The following TCF7L1 variants were observed in gnomAD, a reference collection of about 807,000 sequenced individuals.
The protein encoded by TCF7L1 is transcription factor 7 like 1, also known as transcription factor 7-like 1.
Under a neutral mutation model 63.7 loss-of-function variants are expected in TCF7L1, and 18 were observed. That is an observed-to-expected ratio of 0.28 (90% CI 0.20 to 0.42). TCF7L1 has a LOEUF of 0.42. Among genes scored for constraint, TCF7L1 ranks in the 10% least tolerant of loss-of-function variants. TCF7L1 has a pLI of 1.00. For missense variants in TCF7L1, 654 were observed against 779.3 expected, an observed-to-expected ratio of 0.84 and a Z score of 1.91; for synonymous variants, 355 against 340.9, an observed-to-expected ratio of 1.04 and a Z score of -0.46.
At chr2:85,270,758 C>G (rs1681131661) in intron 3 of TCF7L1, among the ~76,000 whole-genome samples, 1 of 152,106 alleles carries the variant, frequency 6.6e-6, no homozygotes, top group Non-Finnish European at 1.5e-5. Context: ...GGCGCAATCA[C>G]AGCTCACTGC....
chr2:85,235,564 C>T (rs552026677), intron 3 of TCF7L1, among the ~76,000 whole-genome samples: 1 of 152,090 alleles, frequency 6.6e-6, no homozygotes, highest in African/African-American at 2.4e-5. Flanking sequence ...TACCATGGAG[C>T]TAATCCCTAC....
intron 3 of TCF7L1, among the ~76,000 whole-genome samples, chr2:85,199,826 A>G (rs1679234070): frequency 6.6e-6 from 1 of 152,206 alleles, no homozygotes; most frequent in Non-Finnish European, 1.5e-5. Context: ...TAAAGTATGC[A>G]GTTCAGTGGC....
At chr2:85,204,504 G>A (rs1679350944) in intron 3 of TCF7L1, among the ~76,000 whole-genome samples, 2 of 152,084 alleles carry the variant, frequency 1.3e-5, no homozygotes, top group South Asian at 4.1e-4. Context: ...AGCATAGATT[G>A]CTAGTAGTAG....
intron 3 of TCF7L1, among the ~76,000 whole-genome samples, chr2:85,203,745 A>G (rs1215820272): frequency 6.6e-6 from 1 of 151,914 alleles, no homozygotes; most frequent in East Asian, 1.9e-4. Context: ...AGAAAAAAGA[A>G]AAAAAAAGGA....
intron 4 of TCF7L1, among the ~76,000 whole-genome samples, chr2:85,285,205 C>A (rs1184766118): frequency 6.6e-6 from 1 of 151,968 alleles, no homozygotes. Context: ...TGCACTCCAG[C>A]CTGGGTGACA....
chr2:85,206,128 G>A (rs892978920), intron 3 of TCF7L1, among the ~76,000 whole-genome samples: 3 of 152,252 alleles, frequency 2.0e-5, no homozygotes, highest in South Asian at 2.1e-4. Flanking sequence ...GCAGGGGCTA[G>A]GGCCAGTGGC....
At chr2:85,172,048 G>C (rs1007621977) in intron 3 of TCF7L1, among the ~76,000 whole-genome samples, 1 of 152,054 alleles carries the variant, frequency 6.6e-6, no homozygotes, top group Non-Finnish European at 1.5e-5. Flanking sequence ...AATGAGATGT[G>C]CAGTGTCCTC....
At chr2:85,270,366 C>T (rs998323790) in intron 3 of TCF7L1, among the ~76,000 whole-genome samples, 2 of 152,212 alleles carry the variant, frequency 1.3e-5, no homozygotes, top group African/African-American at 2.4e-5. Context: ...GAAGCCTTCA[C>T]CTCTGTCTAG....
intron 3 of TCF7L1, among the ~76,000 whole-genome samples, chr2:85,137,495 C>T (rs1677621194): frequency 6.6e-6 from 1 of 152,216 alleles, no homozygotes. Flanking sequence ...ATAACTGCCA[C>T]AAACCATTTT....
chr2:85,166,072 A>G (rs889633567), intron 3 of TCF7L1, among the ~76,000 whole-genome samples: 5 of 152,184 alleles, frequency 3.3e-5, no homozygotes, highest in Admixed American at 1.3e-4. Context: ...AATGGCAGTG[A>G]GTTTGCATCA....
At chr2:85,307,501 T>G in intron 10 of TCF7L1, 141 bp from the exon 11 acceptor site, 1 of 652,892 alleles carries the variant, frequency 1.5e-6, no homozygotes, top group Non-Finnish European at 2.7e-6. Flanking sequence ...ACGGCTGTGA[T>G]CTGAATTATC....
intron 3 of TCF7L1, among the ~76,000 whole-genome samples, chr2:85,207,691 C>A (rs1679440893): frequency 6.6e-6 from 1 of 151,690 alleles, no homozygotes; most frequent in South Asian, 2.1e-4. Context: ...TTTGACTGAA[C>A]AATTTTTTGA....
At chr2:85,190,033 T>C (rs753230889) in intron 3 of TCF7L1, among the ~76,000 whole-genome samples, 1 of 152,228 alleles carries the variant, frequency 6.6e-6, no homozygotes, top group Non-Finnish European at 1.5e-5. Context: ...TCTTTGGTCC[T>C]GACCTTCAGC....
At chr2:85,304,189 C>T in intron 6 of TCF7L1, 66 bp from the exon 7 acceptor site, 3 of 1,502,612 alleles carry the variant, frequency 2.0e-6, no homozygotes, top group Non-Finnish European at 2.8e-6. Flanking sequence ...CCCTTCTTCC[C>T]AAGTGCCTCT....
chr2:85,145,752 TGCAC>T (rs1677866235), intron 3 of TCF7L1, among the ~76,000 whole-genome samples: 1 of 152,270 alleles, frequency 6.6e-6, no homozygotes, highest in South Asian at 2.1e-4. Context: ...AGGGTCCAGC[TGCAC>T]TCTACAGTGG....
At chr2:85,154,369 G>T (rs898995028) in intron 3 of TCF7L1, among the ~76,000 whole-genome samples, 2 of 152,200 alleles carry the variant, frequency 1.3e-5, no homozygotes, top group Non-Finnish European at 2.9e-5. Flanking sequence ...GTACTTCCCA[G>T]AGTAACATCC....
intron 3 of TCF7L1, among the ~76,000 whole-genome samples, chr2:85,160,057 TC>T (rs1678251224): frequency 2.0e-5 from 3 of 152,196 alleles, no homozygotes; most frequent in Non-Finnish European, 4.4e-5. Context: ...TTTTTTCCTT[TC>T]AAAAATTTTA....
chr2:85,276,649 G>T (rs368810195), intron 3 of TCF7L1, among the ~76,000 whole-genome samples: 5 of 152,190 alleles, frequency 3.3e-5, no homozygotes, highest in South Asian at 4.2e-4. Context: ...TGCTCTAAAG[G>T]CTTCAGGCAG....
intron 3 of TCF7L1, among the ~76,000 whole-genome samples, chr2:85,203,571 A>T (rs1356546071): frequency 6.6e-6 from 1 of 152,096 alleles, no homozygotes; most frequent in South Asian, 2.1e-4. Flanking sequence ...TACAAAAAAA[A>T]ATTTTAAATT....
Sources: allele counts gnomAD v4.1 joint callset (sites outside exome capture counted in the v4.1 genomes callset), GRCh38; gene constraint gnomAD v4.1.1; transcripts MANE v1.5; gene names NCBI Gene and HGNC (gene_info 2026-07-23, HGNC 2026-07-21).